Variants in GRIP1 observed in about 807,000 individuals in gnomAD.
GRIP1 encodes glutamate receptor-interacting protein 1.
Under a neutral mutation model 129.9 loss-of-function variants are expected in GRIP1, and 45 were observed. The observed-to-expected ratio is 0.35, with a 90% CI of 0.27 to 0.44. The LOEUF is 0.44. Among genes scored for constraint, GRIP1 ranks in the 20% least tolerant of loss-of-function variants. The probability of loss-of-function intolerance (pLI) is 1.00; values close to 1 mark genes in which losing one functional copy is unlikely to be tolerated. For synonymous variants in GRIP1, 530 were observed against 520.8 expected (o/e 1.02, Z -0.24); for missense variants, 1,196 against 1,396.8 (o/e 0.86, Z 2.29).
chr12:66,698,069 C>A (rs2035225618), intron 1 of GRIP1, among the ~76,000 whole-genome samples: 1 of 152,058 alleles, frequency 6.6e-6, no homozygotes. Context: ...AAGCAATATG[C>A]TTTCTACAAT....
At chr12:66,880,643 T>G (rs949904603) in intron 1 of GRIP1, among the ~76,000 whole-genome samples, 1 of 152,114 alleles carries the variant, frequency 6.6e-6, no homozygotes, top group African/African-American at 2.4e-5. Context: ...TATAATTGGA[T>G]TTTATAATAA....
chr12:67,029,017 T>C (rs1225454538), intron 1 of GRIP1, among the ~76,000 whole-genome samples: 1 of 152,034 alleles, frequency 6.6e-6, no homozygotes, highest in Non-Finnish European at 1.5e-5. Context: ...TTACATAAAA[T>C]TTGATAGAGA....
intron 1 of GRIP1, among the ~76,000 whole-genome samples, chr12:66,971,515 T>G (rs1592410229): frequency 6.6e-6 from 1 of 152,138 alleles, no homozygotes; most frequent in Non-Finnish European, 1.5e-5. Context: ...TGAGCACCTA[T>G]TATGGTGCTA....
At chr12:66,634,596 T>A (rs1428434834) in intron 1 of GRIP1, among the ~76,000 whole-genome samples, 3 of 152,160 alleles carry the variant, frequency 2.0e-5, no homozygotes, top group Admixed American at 6.5e-5. Flanking sequence ...AGAAAAAAAA[T>A]TTAAATTGAT....
intron 13 of GRIP1, among the ~76,000 whole-genome samples, chr12:66,432,877 C>T (rs1282295257): frequency 6.6e-6 from 1 of 152,180 alleles, no homozygotes; most frequent in African/African-American, 2.4e-5. Flanking sequence ...GTGATGCATG[C>T]ACCATCTACA....
chr12:66,793,288 G>A (rs981028408), intron 1 of GRIP1, among the ~76,000 whole-genome samples: 2 of 152,266 alleles, frequency 1.3e-5, no homozygotes, highest in African/African-American at 4.8e-5. Flanking sequence ...CAATGTCACA[G>A]CCCTCCTGCT....
At chr12:66,709,070 A>G (rs1458400584) in intron 1 of GRIP1, among the ~76,000 whole-genome samples, 2 of 151,890 alleles carry the variant, frequency 1.3e-5, no homozygotes, top group African/African-American at 2.4e-5. Flanking sequence ...ATAAGATAAA[A>G]GCTCCCACAG....
intron 20 of GRIP1, among the ~76,000 whole-genome samples, chr12:66,378,883 G>A (rs907858162): frequency 1.3e-5 from 2 of 152,198 alleles, no homozygotes; most frequent in African/African-American, 4.8e-5. Context: ...GGAGATGGAG[G>A]TTGCAGTGAG....
chr12:66,666,295 T>G (rs1048487172), intron 1 of GRIP1, among the ~76,000 whole-genome samples: 4 of 152,152 alleles, frequency 2.6e-5, no homozygotes, highest in African/African-American at 9.7e-5. Context: ...CCTAAATCTG[T>G]GCTACTCAAT....
At chr12:66,480,628 A>AG (rs1317115280) in intron 7 of GRIP1, among the ~76,000 whole-genome samples, 1 of 152,242 alleles carries the variant, frequency 6.6e-6, no homozygotes, top group African/African-American at 2.4e-5. Flanking sequence ...AAAAGAACAA[A>AG]GCTGGAGGCA....
At chr12:66,906,755 C>A (rs187150543) in intron 1 of GRIP1, among the ~76,000 whole-genome samples, 3 of 152,172 alleles carry the variant, frequency 2.0e-5, no homozygotes, top group Non-Finnish European at 4.4e-5. Context: ...AGACTGGACA[C>A]CATCAGGGGC....
At chr12:66,372,580 T>TA (rs2055570570) in intron 22 of GRIP1, among the ~76,000 whole-genome samples, 3 of 152,202 alleles carry the variant, frequency 2.0e-5, no homozygotes, top group Non-Finnish European at 4.4e-5. Flanking sequence ...TCAGAGAAAG[T>TA]AAAAATAATC....
chr12:66,723,324 T>TGAGACAGAG (rs2036151600), intron 1 of GRIP1, among the ~76,000 whole-genome samples: 1 of 102,686 alleles, frequency 9.7e-6, no homozygotes, highest in African/African-American at 4.3e-5. Context: ...TTTTTTTTTT[T>TGAGACAGAG]TTTTTTGAGA....
intron 16 of GRIP1, among the ~76,000 whole-genome samples, chr12:66,394,971 A>C (rs1332357892): frequency 6.6e-6 from 1 of 152,212 alleles, no homozygotes; most frequent in Admixed American, 6.5e-5. Context: ...TGAATTACGG[A>C]TATTAAAGTG....
intron 1 of GRIP1, among the ~76,000 whole-genome samples, chr12:66,842,309 G>T (rs2039733837): frequency 6.6e-6 from 1 of 151,556 alleles, no homozygotes; most frequent in African/African-American, 2.4e-5. Flanking sequence ...ATACAATATA[G>T]AATAAATGTT....
In GRIP1 at chr12:66,669,906, C is replaced by T. The variant is rs115336674; in HGVS notation, c.55+8944G>A. 3.5e-3 allele frequency among the ~76,000 whole-genome samples: 528 copies of T among 152,234 alleles called. 3 individuals carry two copies. Among genetic ancestry groups the T allele is most frequent in the African/African-American group, 0.012 (494 of 41,548 alleles). ...ATGAATTGTTAGTATTCATTACCTC[C>T]GTTTTTAATATCATTTAATTGCAAA... is the stretch of plus-strand genomic sequence containing the variant. On this transcript the variant is annotated intron_variant, in intron 1 of 24. Coordinates refer to ENST00000359742, the MANE Select transcript of GRIP1 (RefSeq NM_001366722.1).
At chr12:66,708,700 G>A (rs1343475806) in intron 1 of GRIP1, among the ~76,000 whole-genome samples, 4 of 151,470 alleles carry the variant, frequency 2.6e-5, no homozygotes, top group Non-Finnish European at 4.4e-5. Flanking sequence ...TTTAAGTTCT[G>A]GGGTACATGT....
chr12:66,585,324 T>C (rs2063585147), intron 2 of GRIP1, among the ~76,000 whole-genome samples: 1 of 130,770 alleles, frequency 7.6e-6, no homozygotes, highest in East Asian at 2.3e-4. Context: ...CATTGTTCAA[T>C]TCCCACCTAT....
At chr12:66,822,811 T>G (rs372623403) in intron 1 of GRIP1, among the ~76,000 whole-genome samples, 1 of 151,936 alleles carries the variant, frequency 6.6e-6, no homozygotes, top group African/African-American at 2.4e-5. Flanking sequence ...TGGGTACACA[T>G]GGACATAAGG....
Sources: gnomAD v4.1 joint callset for allele counts (sites outside exome capture counted in the v4.1 genomes callset) on GRCh38, gnomAD v4.1.1 for gene constraint, MANE v1.5 for transcripts, NCBI Gene and HGNC (gene_info 2026-07-23, HGNC 2026-07-21) for gene names.